BMPER: variants seen among roughly 807,000 people sequenced by gnomAD.
BMPER encodes the protein BMP binding endothelial regulator.
BMPER carries 45 observed loss-of-function variants against 87.3 expected under a neutral mutation model. The observed-to-expected ratio is 0.52, with a 90% CI of 0.41 to 0.66. The LOEUF (loss-of-function observed/expected upper bound fraction) is 0.66. Ranked by LOEUF, BMPER falls within the 30% of genes least tolerant of loss-of-function variation. The pLI, the probability that BMPER is intolerant of heterozygous loss-of-function variation, is 0.00. For synonymous variants in BMPER, 326 were observed against 316.2 expected (o/e 1.03, Z -0.33); for missense variants, 784 against 867.5 (o/e 0.90, Z 1.21).
chr7:34,030,695 C>A (rs1355447397), intron 6 of BMPER, among the ~76,000 whole-genome samples: 6 of 151,598 alleles, frequency 4.0e-5, no homozygotes, highest in Non-Finnish European at 8.8e-5. Flanking sequence ...AATCATAGCT[C>A]ACTATATAAC....
chr7:34,094,806 G>C (rs567158164), intron 13 of BMPER, among the ~76,000 whole-genome samples: 58 of 152,248 alleles, frequency 3.8e-4, no homozygotes, highest in African/African-American at 1.4e-3. Context: ...TCCAGGCCTG[G>C]TACAGAGCAA....
chr7:33,968,715 G>A (rs753590058), intron 4 of BMPER, among the ~76,000 whole-genome samples: 1 of 152,214 alleles, frequency 6.6e-6, no homozygotes, highest in Non-Finnish European at 1.5e-5. Context: ...CAGATGACAG[G>A]AAGTCTAATG....
intron 13 of BMPER, among the ~76,000 whole-genome samples, chr7:34,092,397 C>T (rs1446692668): frequency 2.0e-5 from 3 of 152,170 alleles, no homozygotes; most frequent in South Asian, 2.1e-4. Flanking sequence ...ATGAAATACT[C>T]GCATCCACAG....
intron 3 of BMPER, among the ~76,000 whole-genome samples, chr7:33,948,752 C>T (rs1052785683): frequency 4.7e-4 from 72 of 152,322 alleles, no homozygotes; most frequent in African/African-American, 1.7e-3. Context: ...CCAGCCATGC[C>T]TTCTGTACAG....
At chr7:34,104,996 CT>C (rs1789782958) in intron 13 of BMPER, among the ~76,000 whole-genome samples, 2 of 152,214 alleles carry the variant, frequency 1.3e-5, no homozygotes, top group South Asian at 4.1e-4. Context: ...AATGATCTGT[CT>C]TCTGGATTTA....
At position 33,924,436 on chromosome 7, in the gene BMPER, C is replaced by T. The variant is rs188144777; in HGVS notation, c.220-12853C>T. 6.4e-4 allele frequency among the ~76,000 whole-genome samples: 98 copies of T among 152,202 alleles called. 1 individual carries two copies. The highest frequency in any genetic ancestry group is 6.2e-3 in the East Asian group (32 of 5,164). On this transcript the variant is annotated intron_variant, in intron 2 of 14. Transcript: ENST00000649409. The stretch of plus-strand genomic sequence containing the variant: ...TACATGGCCCTGCGCGCTGCGGCTC[C>T]GGACGCCATCTTGGCCTCAGCTCCC...
At chr7:34,074,569 G>A (rs1315884707) in intron 11 of BMPER, among the ~76,000 whole-genome samples, 6 of 152,152 alleles carry the variant, frequency 3.9e-5, no homozygotes, top group Admixed American at 6.5e-5. Context: ...CAGTGATCTC[G>A]TGGGGCCTGT....
intron 2 of BMPER, 122 bp downstream of exon 2, chr7:33,907,025 T>G: frequency 1.1e-6 from 1 of 946,280 alleles, no homozygotes; most frequent in Non-Finnish European, 1.7e-6. Context: ...TGCACATAAC[T>G]GTACATAGTT....
intron 13 of BMPER, among the ~76,000 whole-genome samples, chr7:34,097,342 TAGAA>T (rs1445179583): frequency 6.6e-6 from 1 of 152,122 alleles, no homozygotes; most frequent in Non-Finnish European, 1.5e-5. Flanking sequence ...GACAGGAAAT[TAGAA>T]AGCAAAAGCA....
chr7:33,985,561 G>T (rs892968190), intron 6 of BMPER, among the ~76,000 whole-genome samples: 4 of 152,122 alleles, frequency 2.6e-5, no homozygotes, highest in Non-Finnish European at 5.9e-5. Flanking sequence ...GTGTGTGTGT[G>T]TTGCTGAAGT....
intron 13 of BMPER, among the ~76,000 whole-genome samples, chr7:34,089,641 A>C (rs1302558854): frequency 6.6e-6 from 1 of 151,458 alleles, no homozygotes; most frequent in Non-Finnish European, 1.5e-5. Context: ...CCACCACCAC[A>C]CCCGGCTAAT....
intron 6 of BMPER, among the ~76,000 whole-genome samples, chr7:34,043,542 G>A (rs1787885299): frequency 6.6e-6 from 1 of 152,098 alleles, no homozygotes. Context: ...TGAACACATG[G>A]TCTCTATTAT....
intron 2 of BMPER, among the ~76,000 whole-genome samples, chr7:33,913,269 C>G (rs1784004342): frequency 6.6e-6 from 1 of 152,134 alleles, no homozygotes; most frequent in Non-Finnish European, 1.5e-5. Flanking sequence ...TGTGATGGAG[C>G]TGGAGTTAGA....
intron 6 of BMPER, among the ~76,000 whole-genome samples, chr7:33,987,134 T>C (rs1017305031): frequency 6.6e-6 from 1 of 152,140 alleles, no homozygotes; most frequent in African/African-American, 2.4e-5. Flanking sequence ...TCCCAGAATT[T>C]TGCACACACT....
chr7:33,914,237 C>T (rs566051083), intron 2 of BMPER, among the ~76,000 whole-genome samples: 3 of 152,164 alleles, frequency 2.0e-5, no homozygotes, highest in South Asian at 2.1e-4. Flanking sequence ...AGTGCTGGGA[C>T]TACAGGCGTG....
In BMPER at chr7:34,153,163, A is replaced by T; in HGVS notation, c.1948A>T (p.Asn650Tyr). ...ATGTATCAAGACGTGTGACAACTGG[A>T]ATGAAATTGGTCCATGCAACAAGCC... ...PGCIKTCDNW[N>Y]EIGPCNKPCV... The change falls in exon 15 of 15, where the codon AAT becomes TAT. Residue 650 changes from asparagine (N) to tyrosine (Y), a missense_variant. Coordinates refer to ENST00000649409, the MANE Select transcript of BMPER (RefSeq NM_001365308.1). The T allele has an allele frequency of 6.2e-7, 1 of 1,614,092 alleles. No homozygotes were observed. The highest frequency in any genetic ancestry group is 8.5e-7 in the Non-Finnish European group (1 of 1,179,980).
At position 33,927,762 on chromosome 7, in the gene BMPER, A is replaced by G. The variant is rs543791060; in HGVS notation, c.220-9527A>G. On this transcript the variant is annotated intron_variant, in intron 2 of 14. Coordinates refer to ENST00000649409, the MANE Select transcript of BMPER (RefSeq NM_001365308.1). ...GTCACCCCAGGACTGGAAAGCCCCA[A>G]TAATGCCTTCTGAGCCCCGGATCCT... 9.2e-5 allele frequency among the ~76,000 whole-genome samples: 14 copies of G among 152,270 alleles called. No homozygotes were observed. The East Asian group carries it at 2.1e-3, about 23-fold the overall frequency.
At position 34,079,140 on chromosome 7, in the gene BMPER, C is replaced by T; in HGVS notation, c.1362C>T (p.Phe454=). The change falls in exon 12 of 15, where the codon TTC becomes TTT. Residue 454 remains phenylalanine, a synonymous_variant. Transcript: ENST00000649409. ...CGCTCCCCTGCCGCGCGCCACACTTCCACATCGACCTGGATGGCTACCTCT... is the reference window on the plus strand; with the variant it reads ...CGCTCCCCTGCCGCGCGCCACACTTTCACATCGACCTGGATGGCTACCTCT... ...RIALPCRAPH[F]HIDLDGYLLK... The T allele has an allele frequency of 6.2e-7, 1 of 1,613,988 alleles. No homozygotes were observed. Among genetic ancestry groups the T allele is most frequent in the Non-Finnish European group, 8.5e-7 (1 of 1,180,008 alleles).
chr7:33,932,459 C>T (rs1185115479), intron 2 of BMPER, among the ~76,000 whole-genome samples: 1 of 152,232 alleles, frequency 6.6e-6, no homozygotes, highest in East Asian at 1.9e-4. Flanking sequence ...CTGTTTGCCT[C>T]CCAGGCAGGC....
Sources: allele counts gnomAD v4.1 joint callset (sites outside exome capture counted in the v4.1 genomes callset), GRCh38; gene constraint gnomAD v4.1.1; transcripts MANE v1.5; gene names NCBI Gene and HGNC (gene_info 2026-07-23, HGNC 2026-07-21).